Variants in ATG7 observed in about 807,000 individuals in gnomAD.
ATG7 encodes autophagy related 7, also known as ubiquitin-like modifier-activating enzyme ATG7.
Under a neutral mutation model 82.4 loss-of-function variants are expected in ATG7, and 70 were observed. The ratio of observed to expected loss-of-function variants is 0.85; its 90% CI spans 0.70 to 1.04. The LOEUF (loss-of-function observed/expected upper bound fraction) is 1.04. ATG7 is among the 50% of genes least tolerant of loss of function. The pLI is 0.00. For synonymous variants in ATG7, 287 were observed against 313.0 expected (o/e 0.92, Z 0.88); for missense variants, 792 against 864.3 (o/e 0.92, Z 1.05).
chr3:11,463,827 T>C (rs982196382), intron 20 of ATG7, among the ~76,000 whole-genome samples: 3 of 152,132 alleles, frequency 2.0e-5, no homozygotes, highest in Non-Finnish European at 4.4e-5. Context: ...AACTCTCATA[T>C]GTGGGCCCAG....
chr3:11,321,516 A>G, intron 9 of ATG7, among the ~76,000 whole-genome samples: 1 of 152,218 alleles, frequency 6.6e-6, no homozygotes, highest in East Asian at 1.9e-4. Flanking sequence ...TACAGATGAG[A>G]TGAATGGAAA....
intron 20 of ATG7, among the ~76,000 whole-genome samples, chr3:11,457,690 CA>C (rs909129291): frequency 3.9e-5 from 6 of 152,120 alleles, no homozygotes; most frequent in African/African-American, 1.2e-4. Context: ...AGATCAATTT[CA>C]ATTTGTGTGC....
chr3:11,515,912 C>T (rs557663474), intron 20 of ATG7, among the ~76,000 whole-genome samples: 13 of 151,606 alleles, frequency 8.6e-5, no homozygotes, highest in East Asian at 1.9e-4. Context: ...CTGCTGGCCA[C>T]GGGAAGTCTC....
chr3:11,273,393 A>T (rs1408413508), intron 1 of ATG7, among the ~76,000 whole-genome samples: 1 of 152,174 alleles, frequency 6.6e-6, no homozygotes, highest in Non-Finnish European at 1.5e-5. Flanking sequence ...GTTGAGCTGA[A>T]AGCAGCTACT....
chr3:11,407,752 T>C (rs1340340139), intron 19 of ATG7, among the ~76,000 whole-genome samples: 1 of 152,232 alleles, frequency 6.6e-6, no homozygotes, highest in Non-Finnish European at 1.5e-5. Context: ...GCATGAACTC[T>C]GTGTTGGCCC....
At chr3:11,275,104 G>C (rs183678663) in intron 1 of ATG7, among the ~76,000 whole-genome samples, 1 of 152,026 alleles carries the variant, frequency 6.6e-6, no homozygotes, top group African/African-American at 2.4e-5. Flanking sequence ...AGATTAAGGA[G>C]GTGGAATTTG....
intron 19 of ATG7, among the ~76,000 whole-genome samples, chr3:11,396,500 C>A (rs2079289210): frequency 6.6e-6 from 1 of 151,858 alleles, no homozygotes; most frequent in Non-Finnish European, 1.5e-5. Flanking sequence ...TAAGAAAATA[C>A]AATATTGAGT....
intron 19 of ATG7, among the ~76,000 whole-genome samples, chr3:11,407,689 C>G (rs530770676): frequency 6.6e-6 from 1 of 152,326 alleles, no homozygotes; most frequent in Admixed American, 6.5e-5. Flanking sequence ...CTTGCAGGCT[C>G]AAAACCACGT....
Position 11,473,729 on chromosome 3 carries a change from G to C in ATG7, c.2079+46803G>C, listed in dbSNP as rs576774123. Among the ~76,000 whole-genome samples, 6 of 152,286 alleles carry C rather than the reference G, an allele frequency of 3.9e-5. No individual in the cohort carries two copies. In the South Asian group the frequency reaches 1.2e-3, roughly 32 times the overall value. On this transcript the variant is annotated intron_variant, in intron 20 of 20. Coordinates refer to ENST00000693202, the MANE Select transcript of ATG7 (RefSeq NM_001349232.2). Reference sequence around the variant, plus strand: ...AATTCAGAAAACAGTTCTGCCTCCAGATTCTATTTATCTTTGAACCTGACT... The same window carrying C: ...AATTCAGAAAACAGTTCTGCCTCCACATTCTATTTATCTTTGAACCTGACT...
chr3:11,328,201 T>C (rs914606777), intron 9 of ATG7, among the ~76,000 whole-genome samples: 3 of 152,220 alleles, frequency 2.0e-5, no homozygotes, highest in Non-Finnish European at 4.4e-5. Flanking sequence ...GCTGGACTTT[T>C]CATGTTTAGT....
intron 20 of ATG7, among the ~76,000 whole-genome samples, chr3:11,450,535 A>G (rs1363815414): frequency 6.6e-6 from 1 of 152,226 alleles, no homozygotes; most frequent in Non-Finnish European, 1.5e-5. Context: ...GAAGCAGTTC[A>G]GTGAGTTTTG....
intron 20 of ATG7, chr3:11,477,140 T>G (rs1238919172): frequency 1.6e-6 from 2 of 1,289,742 alleles, no homozygotes; most frequent in East Asian, 5.5e-5. Context: ...CCAGCATCTT[T>G]GAGATCTTCG....
intron 13 of ATG7, among the ~76,000 whole-genome samples, chr3:11,347,592 CA>C (rs1954753009): frequency 6.6e-6 from 1 of 152,196 alleles, no homozygotes; most frequent in Non-Finnish European, 1.5e-5. Context: ...GATTCACCTC[CA>C]AATCTTTGGT....
Position 11,439,503 on chromosome 3 carries a change from A to G in ATG7, c.2079+12577A>G, listed in dbSNP as rs375715694. Among the ~76,000 whole-genome samples, 5 of 152,196 alleles carry G rather than the reference A, an allele frequency of 3.3e-5. No homozygotes were observed. In the South Asian group the frequency reaches 1.0e-3, roughly 32 times the overall value. On this transcript the variant is annotated intron_variant, in intron 20 of 20. Coordinates refer to ENST00000693202, the MANE Select transcript of ATG7 (RefSeq NM_001349232.2). ...CTTTTATCATGGCTTCTATCAGTCAACAGATATTTATTGACCCTTTGCTGA... is the reference window on the plus strand; with the variant it reads ...CTTTTATCATGGCTTCTATCAGTCAGCAGATATTTATTGACCCTTTGCTGA...
chr3:11,372,827 CGTGTGTGT>C (rs56253429), intron 18 of ATG7, among the ~76,000 whole-genome samples: 1 of 127,508 alleles, frequency 7.8e-6, no homozygotes, highest in Non-Finnish European at 1.5e-5. Flanking sequence ...CGCGCGTGTG[CGTGTGTGT>C]GCGTGCGTGC....
At position 11,335,286 on chromosome 3, in the gene ATG7, G is replaced by A. The variant is rs548238503; in HGVS notation, c.889+2193G>A. ...TATTAAACCACACTTAAAGATAGTC[G>A]CAGGGGTGTCCAATCTTTTGGCTTC... On this transcript the variant is annotated intron_variant, in intron 11 of 20. Coordinates refer to ENST00000693202, the MANE Select transcript of ATG7 (RefSeq NM_001349232.2). Among the ~76,000 whole-genome samples the A allele has an allele frequency of 2.0e-5, 3 of 152,104 alleles. No individual in the cohort carries two copies. In the South Asian group the frequency reaches 6.2e-4, roughly 32 times the overall value.
intron 20 of ATG7, among the ~76,000 whole-genome samples, chr3:11,542,537 C>G (rs1575262190): frequency 6.6e-6 from 1 of 152,052 alleles, no homozygotes; most frequent in Admixed American, 6.5e-5. Context: ...TGCCATGGGC[C>G]ATGGCCCTTC....
chr3:11,315,905 TTAG>T (rs1233799728), intron 9 of ATG7, among the ~76,000 whole-genome samples: 1 of 152,188 alleles, frequency 6.6e-6, no homozygotes, highest in Non-Finnish European at 1.5e-5. Context: ...TTTTGTATTT[TTAG>T]TAGAGACAGA....
At chr3:11,516,281 A>G (rs971928774) in intron 20 of ATG7, among the ~76,000 whole-genome samples, 1 of 152,218 alleles carries the variant, frequency 6.6e-6, no homozygotes, top group African/African-American at 2.4e-5. Flanking sequence ...GCACATGTAT[A>G]CATATGTAAC....
Sources: gnomAD v4.1 joint callset for allele counts (sites outside exome capture counted in the v4.1 genomes callset) on GRCh38, gnomAD v4.1.1 for gene constraint, MANE v1.5 for transcripts, NCBI Gene and HGNC (gene_info 2026-07-23, HGNC 2026-07-21) for gene names.